Variants in ESF1 observed in about 807,000 individuals in gnomAD.
ESF1 encodes ESF1 nucleolar pre-rRNA processing protein, also known as ESF1 homolog.
In ESF1, 58 loss-of-function variants were observed where a neutral mutation model predicts 92.0. That is an observed-to-expected ratio of 0.63 (90% CI 0.51 to 0.78). ESF1 has a LOEUF of 0.78. Ranked by LOEUF, ESF1 falls within the 30% of genes least tolerant of loss-of-function variation. The probability of loss-of-function intolerance (pLI) is 0.00; values close to 1 mark genes in which losing one functional copy is unlikely to be tolerated. For missense variants in ESF1, 922 were observed against 989.1 expected (o/e 0.93, Z 0.91); for synonymous variants, 321 against 313.7 (o/e 1.02, Z -0.24).
At position 13,759,904 on chromosome 20, in the gene ESF1, C is replaced by T. The variant is rs1306142749; in HGVS notation, c.1667-51G>A. The T allele has an allele frequency of 1.5e-5, 23 of 1,530,234 alleles. 1 individual carries two copies. The highest frequency in any genetic ancestry group is 2.0e-5 in the Non-Finnish European group (23 of 1,149,200). The allele number at this position is 1,530,234 out of a possible 1,614,324, so 94.8% of individuals were successfully genotyped here. On this transcript the variant is annotated intron_variant, in intron 8 of 13. Coordinates refer to ENST00000617257, the MANE Select transcript of ESF1 (RefSeq NM_001276380.2). The stretch of plus-strand genomic sequence containing the variant: ...ACACAGAAACAATTCATTTCTAACT[C>T]GTGTTCAGATCTTATGGTCACTCTC...
At chr20:13,732,900 A>T (rs2049952562) in intron 10 of ESF1, among the ~76,000 whole-genome samples, 1 of 127,174 alleles carries the variant, frequency 7.9e-6, no homozygotes, top group East Asian at 2.3e-4. Flanking sequence ...CAGAGGAAAT[A>T]CTCTTATTTA....
chr20:13,748,592 A>ATATATATATATATATTTT (rs1331098586), intron 9 of ESF1, among the ~76,000 whole-genome samples: 11 of 95,736 alleles, frequency 1.1e-4, no homozygotes, highest in African/African-American at 5.8e-4. Context: ...ATATATATAT[A>ATATATATATATATATTTT]TTTTTTTTTT....
At chr20:13,725,784 T>G (rs1362767579) in intron 11 of ESF1, among the ~76,000 whole-genome samples, 1 of 152,214 alleles carries the variant, frequency 6.6e-6, no homozygotes, top group Non-Finnish European at 1.5e-5. Flanking sequence ...TAACTCTATA[T>G]TTGTACTCTG....
chr20:13,749,195 A>C (rs1276596284), intron 9 of ESF1, among the ~76,000 whole-genome samples: 1 of 146,254 alleles, frequency 6.8e-6, no homozygotes, highest in Non-Finnish European at 1.5e-5. Context: ...TCTCCCGAGT[A>C]GCTTGGATTA....
At chr20:13,739,330 T>C (rs976135142) in intron 9 of ESF1, among the ~76,000 whole-genome samples, 1 of 152,234 alleles carries the variant, frequency 6.6e-6, no homozygotes, top group African/African-American at 2.4e-5. Context: ...TACAATCATA[T>C]TTAGTTTACT....
intron 9 of ESF1, among the ~76,000 whole-genome samples, chr20:13,735,575 T>C (rs557170633): frequency 6.6e-6 from 1 of 152,216 alleles, no homozygotes; most frequent in African/African-American, 2.4e-5. Flanking sequence ...ATAAAACAAG[T>C]TGATTTCAAA....
rs1600295356 is a variant in ESF1, at chr20:13,776,170, A to G, written c.738T>C (p.Val246=). 6.2e-7 allele frequency: 1 copy of G among 1,613,864 alleles called. No homozygotes were observed. Among genetic ancestry groups the G allele is most frequent in the Non-Finnish European group, 8.5e-7 (1 of 1,179,904 alleles). Residue 246 remains valine, a synonymous_variant, in exon 3 of 14, where the codon GTT becomes GTC. Transcript: ENST00000617257. ...ATTCCTCATCACTTCCTATTTCACT[A>G]ACGCTTTCTGAATCTTCCTCCAGAG... ...KDALEEDSES[V]SEIGSDEESE...
intron 10 of ESF1, 88 bp downstream of exon 10, chr20:13,733,633 A>G: frequency 7.3e-7 from 1 of 1,368,976 alleles, no homozygotes; most frequent in Non-Finnish European, 9.9e-7. Context: ...GAGTGGTTAC[A>G]TTTTGAGATA....
intron 9 of ESF1, 127 bp downstream of exon 9, chr20:13,759,565 A>C: frequency 1.6e-6 from 2 of 1,219,050 alleles, no homozygotes; most frequent in Non-Finnish European, 2.2e-6. Context: ...TCATTAAGTT[A>C]GTTAAATGGT....
intron 9 of ESF1, among the ~76,000 whole-genome samples, chr20:13,740,821 A>G (rs1568715005): frequency 6.6e-6 from 1 of 152,214 alleles, no homozygotes; most frequent in South Asian, 2.1e-4. Flanking sequence ...GCCCTGAGGT[A>G]TTAAAATACT....
chr20:13,756,313 T>C (rs966834055), intron 9 of ESF1, among the ~76,000 whole-genome samples: 4 of 152,220 alleles, frequency 2.6e-5, no homozygotes, highest in African/African-American at 7.2e-5. Flanking sequence ...CAATACCTCA[T>C]TAGGGGCCTT....
At chr20:13,760,593 G>A (rs938460866) in intron 8 of ESF1, among the ~76,000 whole-genome samples, 5 of 147,426 alleles carry the variant, frequency 3.4e-5, no homozygotes, top group African/African-American at 1.0e-4. Context: ...GAGCCCCTCC[G>A]CCCGGCAGCC....
chr20:13,729,902 A>C (rs1448774043), intron 10 of ESF1, among the ~76,000 whole-genome samples: 1 of 152,242 alleles, frequency 6.6e-6, no homozygotes, highest in Non-Finnish European at 1.5e-5. Flanking sequence ...ATGTGAACTA[A>C]GATCAGGCTA....
At chr20:13,768,290 G>A (rs112175715) in intron 7 of ESF1, among the ~76,000 whole-genome samples, 8,453 of 152,238 alleles carry the variant, frequency 0.056, 459 homozygotes, top group African/African-American at 0.14. Context: ...TGTGGCTACT[G>A]CAGAGTACAG....
intron 9 of ESF1, among the ~76,000 whole-genome samples, chr20:13,749,590 G>C (rs1978528396): frequency 6.6e-6 from 1 of 151,878 alleles, no homozygotes; most frequent in Non-Finnish European, 1.5e-5. Context: ...TTTTGAGATG[G>C]AGTCTTGCTC....
rs762594766 is a variant in ESF1, at chr20:13,717,496, T to C, written c.2134A>G (p.Met712Val). The C allele has an allele frequency of 1.9e-6, 3 of 1,613,866 alleles. No homozygotes were observed. The highest frequency in any genetic ancestry group is 1.3e-5 in the African/African-American group (1 of 74,914). ...TTACTGTCCTCGTCCTCATCCATCA[T>C]AAGCAAAGCCATTTCAGCCTGTAGA... ...ERQKAEMALL[M>V]MDEDEDSKKH... The change falls in exon 13 of 14, where the codon ATG becomes GTG. Residue 712 changes from methionine to valine, a missense_variant. Transcript: ENST00000617257.
chr20:13,745,864 G>A (rs554363090), intron 9 of ESF1, among the ~76,000 whole-genome samples: 6 of 152,180 alleles, frequency 3.9e-5, no homozygotes, highest in South Asian at 2.1e-4. Context: ...ATGTATCTGC[G>A]GTAAAACTAT....
At chr20:13,737,935 C>A (rs900242747) in intron 9 of ESF1, among the ~76,000 whole-genome samples, 4 of 152,210 alleles carry the variant, frequency 2.6e-5, no homozygotes, top group Non-Finnish European at 5.9e-5. Context: ...GGATTACAGG[C>A]ATGAGCCACC....
In ESF1 at chr20:13,766,778, T is replaced by C. The variant is rs1979445890; in HGVS notation, c.1665A>G (p.Gln555=). Reference sequence around the variant, plus strand: ...TGGTCACTGAAAGATTAACAATACCTTGTAGCTCCTCTTCTATCTCCTCTT... The same window carrying C: ...TGGTCACTGAAAGATTAACAATACCCTGTAGCTCCTCTTCTATCTCCTCTT... ...EDEEEIEEEL[Q]GDDGVNVEED... Residue 555 remains glutamine (Q), a splice_region_variant and synonymous_variant, in exon 8 of 14, where the codon CAA becomes CAG. Coordinates refer to ENST00000617257, the MANE Select transcript of ESF1 (RefSeq NM_001276380.2). 1 of 1,613,202 alleles carries C rather than the reference T, an allele frequency of 6.2e-7. No individual in the cohort carries two copies. Among genetic ancestry groups the C allele is most frequent in the East Asian group, 2.2e-5 (1 of 44,792 alleles).
Sources: allele counts gnomAD v4.1 joint callset (sites outside exome capture counted in the v4.1 genomes callset), GRCh38; gene constraint gnomAD v4.1.1; transcripts MANE v1.5; gene names NCBI Gene and HGNC (gene_info 2026-07-23, HGNC 2026-07-21).